The following PRRC2B variants were observed in gnomAD, a reference collection of about 807,000 sequenced individuals.
The protein encoded by PRRC2B is protein PRRC2B.
PRRC2B carries 68 observed loss-of-function variants against 242.3 expected under a neutral mutation model. The ratio of observed to expected loss-of-function variants is 0.28; its 90% CI spans 0.23 to 0.34. PRRC2B has a LOEUF of 0.34. Ranked by LOEUF, PRRC2B falls within the 10% of genes least tolerant of loss-of-function variation. PRRC2B has a pLI of 1.00. For synonymous variants in PRRC2B, 1,228 were observed against 1,173.6 expected, an observed-to-expected ratio of 1.05 and a Z score of -0.95; for missense variants, 2,835 against 2,954.8, an observed-to-expected ratio of 0.96 and a Z score of 0.94.
chr9:131,487,977 C>T lies in PRRC2B; in HGVS notation c.6106C>T (p.Pro2036Ser), dbSNP rs376015040. The change falls in exon 28 of 32, where the codon CCG becomes TCG. Residue 2036 changes from proline to serine, a missense_variant. This residue lies in a region of PRRC2B where 574 missense variants were observed against 626.0 expected (regional missense o/e 0.92). Transcript: ENST00000683519. This position sits in a 1 kb window ranked among gnomAD's most constrained non-coding sequence, Gnocchi z 5.3. ...PGMQPLEMVK[P>S]QSGSPYQPMS... Reference sequence around the variant, plus strand: ...CATGCAGCCCTTGGAGATGGTGAAGCCGCAGTCTGGCTCACCCTACCAGCC... The same window carrying T: ...CATGCAGCCCTTGGAGATGGTGAAGTCGCAGTCTGGCTCACCCTACCAGCC... 6.2e-7 allele frequency: 1 copy of T among 1,612,468 alleles called. No homozygotes were observed. The highest frequency in any genetic ancestry group is 8.5e-7 in the Non-Finnish European group (1 of 1,179,222).
upstream of PRRC2B, among the ~76,000 whole-genome samples, chr9:131,392,103 CTT>C (rs937351420): frequency 6.5e-5 from 9 of 139,168 alleles, no homozygotes; most frequent in Admixed American, 1.5e-4. Context: ...TATTTTCTTT[CTT>C]TTTTTTTTTT....
chr9:131,484,279 G>A (rs772889590), intron 23 of PRRC2B, among the ~76,000 whole-genome samples: 1 of 152,180 alleles, frequency 6.6e-6, no homozygotes, highest in Non-Finnish European at 1.5e-5. Flanking sequence ...GGTGCCTTCT[G>A]AACCAGATGT....
chr9:131,404,167 A>G (rs78630316), intron 1 of PRRC2B, among the ~76,000 whole-genome samples: 1,758 of 152,250 alleles, frequency 0.012, 12 homozygotes, highest in South Asian at 0.023. Flanking sequence ...AGGTGTGTAA[A>G]AGAAGAAAAA....
At position 131,482,046 on chromosome 9, in the gene PRRC2B, C is replaced by A. The variant is rs761568621; in HGVS notation, c.4983+238C>A. ...AAAGGGGTAACAAGGGAGGACCCAA[C>A]GCTGGGTGGGAAGAGGGATTCAGGG... On this transcript the variant is annotated intron_variant, in intron 20 of 31. Coordinates refer to ENST00000683519, the MANE Select transcript of PRRC2B (RefSeq NM_013318.4). This position sits in a 1 kb window ranked among gnomAD's most constrained non-coding sequence, Gnocchi z 5.2. 1.3e-5 allele frequency among the ~76,000 whole-genome samples: 2 copies of A among 152,206 alleles called. No homozygotes were observed. Among genetic ancestry groups the A allele is most frequent in the African/African-American group, 2.4e-5 (1 of 41,454 alleles).
chr9:131,390,193 G>A (rs147407335), upstream of PRRC2B, among the ~76,000 whole-genome samples: 444 of 150,242 alleles, frequency 3.0e-3, 12 homozygotes, highest in Middle Eastern at 0.014. Context: ...GATTACAGGC[G>A]TGAGCCACTG....
At chr9:131,430,550 G>GGGGTGT (rs1554759920) in intron 2 of PRRC2B, among the ~76,000 whole-genome samples, 31 of 82,654 alleles carry the variant, frequency 3.8e-4, no homozygotes, top group Non-Finnish European at 7.6e-4. Context: ...GATATCTATA[G>GGGGTGT]GTGTGTGTGT....
intron 1 of PRRC2B, among the ~76,000 whole-genome samples, chr9:131,422,281 T>A (rs1315922005): frequency 2.0e-5 from 3 of 152,078 alleles, no homozygotes; most frequent in Non-Finnish European, 4.4e-5. Context: ...TCTCGATCTC[T>A]TGACCTTGTG....
At chr9:131,441,425 A>G (rs1838568490) in intron 5 of PRRC2B, among the ~76,000 whole-genome samples, 1 of 152,228 alleles carries the variant, frequency 6.6e-6, no homozygotes, top group South Asian at 2.1e-4. Context: ...ACGTGGTGGC[A>G]CACACCTGTT....
intron 16 of PRRC2B, among the ~76,000 whole-genome samples, chr9:131,477,298 G>A (rs144507120): frequency 4.7e-4 from 72 of 152,316 alleles, no homozygotes; most frequent in African/African-American, 1.6e-3. Flanking sequence ...CCCAGAGAAG[G>A]AGCCACAGGG....
chr9:131,460,044 A>C (rs1001942774), intron 11 of PRRC2B, among the ~76,000 whole-genome samples: 1 of 151,990 alleles, frequency 6.6e-6, no homozygotes, highest in Non-Finnish European at 1.5e-5. Context: ...TTGGAAGTAC[A>C]TTACAAACAA....
At position 131,495,892 on chromosome 9, in the gene PRRC2B, C is replaced by T. The variant is rs761803699; in HGVS notation, c.*18C>T. ...AGGCCTGACAGTGCCTGGCTGCCACCTCGCCTCTCCCTACTGAGGACGGTG... is the reference window on the plus strand; with the variant it reads ...AGGCCTGACAGTGCCTGGCTGCCACTTCGCCTCTCCCTACTGAGGACGGTG... On this transcript the variant is annotated 3_prime_UTR_variant, in exon 32 of 32. Coordinates refer to ENST00000683519, the MANE Select transcript of PRRC2B (RefSeq NM_013318.4). 2 of 1,597,064 alleles carry T rather than the reference C, an allele frequency of 1.3e-6. No homozygotes were observed. The highest frequency in any genetic ancestry group is 1.1e-5 in the South Asian group (1 of 90,800).
chr9:131,457,812 CAGAT>C (rs1284373427), intron 10 of PRRC2B, among the ~76,000 whole-genome samples: 1 of 152,156 alleles, frequency 6.6e-6, no homozygotes, highest in African/African-American at 2.4e-5. Context: ...CTGACAAAGT[CAGAT>C]AGGAATCACC....
At chr9:131,450,942 T>C (rs148410886) in intron 9 of PRRC2B, among the ~76,000 whole-genome samples, 182 of 152,356 alleles carry the variant, frequency 1.2e-3, no homozygotes, top group African/African-American at 4.3e-3. Flanking sequence ...ATTAGGGCTT[T>C]CATTTCTCTC....
chr9:131,444,399 A>T, intron 6 of PRRC2B, 71 bp downstream of exon 6: 1 of 1,508,716 alleles, frequency 6.6e-7, no homozygotes, highest in Non-Finnish European at 9.0e-7. Context: ...CTGCACTCCT[A>T]AAAGGGTGCT....
chr9:131,485,818 G>T (rs1944005030), intron 25 of PRRC2B: 1 of 713,196 alleles, frequency 1.4e-6, no homozygotes, highest in Non-Finnish European at 2.6e-6. Flanking sequence ...GTGGGAGGTG[G>T]GAAGGGTAGG....
At chr9:131,389,963 G>A (rs745339358), upstream of PRRC2B, among the ~76,000 whole-genome samples, 1 of 125,472 alleles carries the variant, frequency 8.0e-6, no homozygotes, top group African/African-American at 3.0e-5. Flanking sequence ...CTGTTTTGTC[G>A]CCAAGCTGGA....
chr9:131,438,364 C>G (rs952141304), intron 4 of PRRC2B, among the ~76,000 whole-genome samples: 2 of 152,060 alleles, frequency 1.3e-5, no homozygotes, highest in African/African-American at 4.8e-5. Flanking sequence ...GTGACTAGAG[C>G]CTTCTCAGGG....
intron 1 of PRRC2B, among the ~76,000 whole-genome samples, chr9:131,397,563 G>GTTTTTTTTTTTTTTTTT (rs58424444): frequency 4.0e-5 from 4 of 98,990 alleles, no homozygotes; most frequent in Non-Finnish European, 7.7e-5. Flanking sequence ...ACTTTTGAGG[G>GTTTTTTTTTTTTTTTTT]TTTTTTTTTT....
intron 1 of PRRC2B, among the ~76,000 whole-genome samples, chr9:131,414,814 C>T (rs902076854): frequency 6.6e-6 from 1 of 152,012 alleles, no homozygotes; most frequent in African/African-American, 2.4e-5. Flanking sequence ...AAGTGATCCA[C>T]CCGCCTTGGC....
Sources: gnomAD v4.1 joint callset for allele counts (sites outside exome capture counted in the v4.1 genomes callset) on GRCh38, gnomAD v4.1.1 for gene constraint, gnomAD v4.1.1 regional missense constraint, Gnocchi (gnomAD v3.1) non-coding constraint, MANE v1.5 for transcripts, NCBI Gene and HGNC (gene_info 2026-07-23, HGNC 2026-07-21) for gene names.